The following RAB38 variants were observed in gnomAD, a reference collection of about 807,000 sequenced individuals.
RAB38 encodes ras-related protein Rab-38.
In RAB38, 15 loss-of-function variants were observed where a neutral mutation model predicts 18.4. The observed-to-expected ratio is 0.82, with a 90% CI of 0.55 to 1.26. The LOEUF is 1.26. RAB38 is among the 50% of genes most tolerant of loss of function. The pLI is 0.00. For missense variants in RAB38, 294 were observed against 267.4 expected, an observed-to-expected ratio of 1.10 and a Z score of -0.69; for synonymous variants, 101 against 104.4, an observed-to-expected ratio of 0.97 and a Z score of 0.20.
chr11:88,129,213 G>A (rs1480227790), intron 2 of RAB38, among the ~76,000 whole-genome samples: 1 of 151,978 alleles, frequency 6.6e-6, no homozygotes, highest in Non-Finnish European at 1.5e-5. Flanking sequence ...TACTGGACAT[G>A]CAAAAAAGCA....
At chr11:87,930,062 T>G in the RAB38 span, among the ~76,000 whole-genome samples, 1 of 152,160 alleles carries the variant, frequency 6.6e-6, no homozygotes, top group Admixed American at 6.5e-5. Context: ...TGATTTATAA[T>G]CCTTTGGGTA....
At chr11:88,043,166 T>C in the RAB38 span, among the ~76,000 whole-genome samples, 1 of 152,196 alleles carries the variant, frequency 6.6e-6, no homozygotes, top group Non-Finnish European at 1.5e-5. Context: ...GGAATGCACA[T>C]TGTTCCAAGA....
At chr11:87,886,508 C>A in the RAB38 span, among the ~76,000 whole-genome samples, 3 of 151,922 alleles carry the variant, frequency 2.0e-5, no homozygotes, top group South Asian at 4.2e-4. Flanking sequence ...GGATTGTTTT[C>A]CCCCAGAAAA....
At chr11:87,881,828 G>T in the RAB38 span, among the ~76,000 whole-genome samples, 1 of 151,762 alleles carries the variant, frequency 6.6e-6, no homozygotes, top group Admixed American at 6.6e-5. Context: ...AAGCACAACA[G>T]AAAAACCTGT....
the RAB38 span, among the ~76,000 whole-genome samples, chr11:87,805,168 T>C: frequency 6.6e-6 from 1 of 152,340 alleles, no homozygotes; most frequent in Non-Finnish European, 1.5e-5. Flanking sequence ...CATTGGTGTA[T>C]CTGGAGTGTG....
the RAB38 span, among the ~76,000 whole-genome samples, chr11:87,918,982 G>A: frequency 6.6e-6 from 1 of 151,034 alleles, no homozygotes; most frequent in East Asian, 1.9e-4. Flanking sequence ...TTCCCCATAT[G>A]TTTTCTTATA....
At chr11:88,164,689 T>C (rs1398789441) in intron 1 of RAB38, among the ~76,000 whole-genome samples, 2 of 152,174 alleles carry the variant, frequency 1.3e-5, no homozygotes, top group African/African-American at 4.8e-5. Context: ...TGCTATTTAA[T>C]GAACAGGATT....
At chr11:87,842,609 A>G in the RAB38 span, among the ~76,000 whole-genome samples, 1 of 152,194 alleles carries the variant, frequency 6.6e-6, no homozygotes, top group Non-Finnish European at 1.5e-5. Context: ...CTACACAAAT[A>G]AATGTGCTCT....
the RAB38 span, among the ~76,000 whole-genome samples, chr11:87,860,127 T>C: frequency 7.2e-5 from 11 of 151,970 alleles, no homozygotes; most frequent in East Asian, 1.5e-3. Context: ...AAAAAATAGA[T>C]GCTTGATGGG....
At chr11:87,859,267 G>A in the RAB38 span, among the ~76,000 whole-genome samples, 4 of 151,968 alleles carry the variant, frequency 2.6e-5, no homozygotes, top group African/African-American at 9.7e-5. Context: ...ATTAGCAGAT[G>A]TCCCTAGATT....
chr11:87,830,857 G>A, the RAB38 span, among the ~76,000 whole-genome samples: 20 of 152,050 alleles, frequency 1.3e-4, no homozygotes, highest in Admixed American at 4.6e-4. Context: ...GGGGTGCAGT[G>A]GTGTGGTCTC....
the RAB38 span, among the ~76,000 whole-genome samples, chr11:88,091,916 G>A: frequency 6.6e-6 from 1 of 151,860 alleles, no homozygotes; most frequent in Non-Finnish European, 1.5e-5. Flanking sequence ...TCAATTACAT[G>A]CAAATGAAGA....
chr11:88,047,561 T>C, the RAB38 span, among the ~76,000 whole-genome samples: 8 of 152,212 alleles, frequency 5.3e-5, no homozygotes, highest in Non-Finnish European at 1.2e-4. Context: ...ATACTGACTC[T>C]AAATATGCTT....
chr11:88,024,103 G>A, the RAB38 span, among the ~76,000 whole-genome samples: 1 of 152,042 alleles, frequency 6.6e-6, no homozygotes, highest in Non-Finnish European at 1.5e-5. Context: ...AAAAAGTGAA[G>A]AGATAACCAG....
the RAB38 span, among the ~76,000 whole-genome samples, chr11:88,040,703 A>AAACAACAACAACAACAACAAC: frequency 6.7e-6 from 1 of 149,038 alleles, no homozygotes. Flanking sequence ...ACCCTGTCTC[A>AAACAACAACAACAACAACAAC]AACAACAACA....
chr11:87,877,370 A>G, the RAB38 span, among the ~76,000 whole-genome samples: 4 of 151,588 alleles, frequency 2.6e-5, no homozygotes, highest in African/African-American at 4.8e-5. Flanking sequence ...AATAAAGTAT[A>G]CATTGCAGAA....
At chr11:87,955,085 C>G in the RAB38 span, among the ~76,000 whole-genome samples, 1 of 152,192 alleles carries the variant, frequency 6.6e-6, no homozygotes, top group Admixed American at 6.5e-5. Flanking sequence ...TGCAAAGCAG[C>G]TGTGCATGCA....
At chr11:87,951,312 C>A in the RAB38 span, among the ~76,000 whole-genome samples, 1 of 151,880 alleles carries the variant, frequency 6.6e-6, no homozygotes, top group South Asian at 2.1e-4. Flanking sequence ...TTTTTCAAAG[C>A]TTTTAACTTC....
chr11:88,163,129 C>T (rs951445801), intron 1 of RAB38, among the ~76,000 whole-genome samples: 2 of 152,040 alleles, frequency 1.3e-5, no homozygotes, highest in Non-Finnish European at 2.9e-5. Flanking sequence ...ACCTGTGCAG[C>T]CTGTGTCCTC....
Sources: gnomAD v4.1 joint callset for allele counts (sites outside exome capture counted in the v4.1 genomes callset) on GRCh38, gnomAD v4.1.1 for gene constraint, MANE v1.5 for transcripts, NCBI Gene and HGNC (gene_info 2026-07-23, HGNC 2026-07-21) for gene names.